Variants in VPS13C observed in about 807,000 individuals in gnomAD.
VPS13C encodes the protein vacuolar protein sorting 13 homolog C.
VPS13C carries 358 observed loss-of-function variants against 456.8 expected under a neutral mutation model. That is an observed-to-expected ratio of 0.78 (90% CI 0.72 to 0.86). VPS13C has a LOEUF of 0.86. Among genes scored for constraint, VPS13C ranks in the 40% least tolerant of loss-of-function variants. The probability of loss-of-function intolerance (pLI) is 0.00; values close to 1 mark genes in which losing one functional copy is unlikely to be tolerated. For synonymous variants in VPS13C, 1,578 were observed against 1,486.7 expected, an observed-to-expected ratio of 1.06 and a Z score of -1.41; for missense variants, 4,818 against 4,385.4, an observed-to-expected ratio of 1.10 and a Z score of -2.79.
At chr15:62,059,464 A>C (rs1285279607) in intron 1 of VPS13C, among the ~76,000 whole-genome samples, 4 of 152,246 alleles carry the variant, frequency 2.6e-5, no homozygotes, top group African/African-American at 9.6e-5. Flanking sequence ...CAAACGATTA[A>C]GCTCGTTGAA....
intron 5 of VPS13C, among the ~76,000 whole-genome samples, chr15:62,029,005 C>CTT (rs2047727484): frequency 6.6e-6 from 1 of 152,006 alleles, no homozygotes; most frequent in Non-Finnish European, 1.5e-5. Flanking sequence ...TCATGTCATT[C>CTT]TTTGGACTCT....
chr15:62,028,253 T>C, intron 6 of VPS13C, 105 bp downstream of exon 6: 1 of 1,239,012 alleles, frequency 8.1e-7, no homozygotes, highest in Non-Finnish European at 1.2e-6. Context: ...TGCATTTCCA[T>C]ATTTTCTAAA....
chr15:61,996,517 TA>T (rs1262084607), intron 16 of VPS13C, among the ~76,000 whole-genome samples: 1 of 152,108 alleles, frequency 6.6e-6, no homozygotes, highest in East Asian at 1.9e-4. Context: ...AAGGAAAAGA[TA>T]ATCAGCAGAT....
chr15:61,991,306 G>C (rs543933848), intron 17 of VPS13C, among the ~76,000 whole-genome samples: 3 of 152,214 alleles, frequency 2.0e-5, no homozygotes, highest in African/African-American at 7.2e-5. Flanking sequence ...CACCATTAAG[G>C]AAATTCAGTT....
intron 9 of VPS13C, among the ~76,000 whole-genome samples, chr15:62,015,794 G>A (rs796459493): frequency 6.6e-5 from 7 of 106,754 alleles, no homozygotes; most frequent in East Asian, 6.3e-4. Context: ...GGGGAGGGGG[G>A]AGGGGGGAGG....
chr15:62,021,307 G>C (rs2140568628), intron 8 of VPS13C, among the ~76,000 whole-genome samples: 1 of 151,872 alleles, frequency 6.6e-6, no homozygotes, highest in Middle Eastern at 3.4e-3. Flanking sequence ...TAAAAAAAAG[G>C]CTTTCATACT....
At chr15:61,909,660 T>C (rs1289801056) in intron 64 of VPS13C, among the ~76,000 whole-genome samples, 1 of 152,182 alleles carries the variant, frequency 6.6e-6, no homozygotes. Context: ...ATTTTAAAAA[T>C]CAAAGACATT....
rs865854451 is a variant in VPS13C, at chr15:62,008,646, C to A, written c.1118+9G>T. 2.2e-5 allele frequency: 35 copies of A among 1,578,834 alleles called. No individual in the cohort carries two copies. The Middle Eastern group carries it at 3.9e-3, about 175-fold the overall frequency. On this transcript the variant is annotated intron_variant, in intron 14 of 84. Transcript: ENST00000644861. ...TTCCTCACAAAACAAAAAACAAATT[C>A]TAACTTACCATCGTCGACCATTGGT...
chr15:62,006,768 TG>T (rs1173815805), intron 15 of VPS13C, among the ~76,000 whole-genome samples: 9 of 152,168 alleles, frequency 5.9e-5, no homozygotes, highest in African/African-American at 2.2e-4. Flanking sequence ...CAGCACCTGT[TG>T]TTTCCTGACT....
chr15:61,964,814 G>C lies in VPS13C; in HGVS notation c.3099C>G (p.Val1033=). ...TGGTTGTGAGGTAATTAATAGAAGCGACAAGAGCTTGTGTTTGCAGCAACA... is the reference window on the plus strand; with the variant it reads ...TGGTTGTGAGGTAATTAATAGAAGCCACAAGAGCTTGTGTTTGCAGCAACA... ...LNLLLQTQAL[V]ASINYLTTII... Residue 1033 remains valine, a synonymous_variant, in exon 31 of 85, where the codon GTC becomes GTG. Coordinates refer to ENST00000644861, the MANE Select transcript of VPS13C (RefSeq NM_020821.3). The C allele has an allele frequency of 1.2e-6, 2 of 1,611,750 alleles. No individual in the cohort carries two copies. The highest frequency in any genetic ancestry group is 1.7e-6 in the Non-Finnish European group (2 of 1,178,824).
chr15:61,933,617 TTAAAAA>T (rs2044132450), intron 49 of VPS13C, among the ~76,000 whole-genome samples: 2 of 152,014 alleles, frequency 1.3e-5, no homozygotes, highest in South Asian at 4.1e-4. Flanking sequence ...CATAATATAA[TTAAAAA>T]TATTTACTGA....
Position 61,929,646 on chromosome 15 carries a change from C to T in VPS13C, c.6141G>A (p.Lys2047=). Residue 2047 remains lysine (K), a synonymous_variant, in exon 51 of 85, where the codon AAG becomes AAA. Transcript: ENST00000644861. ...ATTCCACACTGGCACATACATACAGCTTGTCAAGAACAGCATCAATTTGAC... is the reference window on the plus strand; with the variant it reads ...ATTCCACACTGGCACATACATACAGTTTGTCAAGAACAGCATCAATTTGAC... ...NGSQIDAVLD[K]LYVCASVEFL... 3.1e-6 allele frequency: 5 copies of T among 1,614,094 alleles called. No homozygotes were observed. The highest frequency in any genetic ancestry group is 4.2e-6 in the Non-Finnish European group (5 of 1,179,994).
chr15:61,876,479 T>C (rs1463450898), intron 75 of VPS13C, among the ~76,000 whole-genome samples: 2 of 151,962 alleles, frequency 1.3e-5, no homozygotes, highest in Non-Finnish European at 2.9e-5. Flanking sequence ...AATGTCTGTA[T>C]ATGTAATAGG....
intron 22 of VPS13C, among the ~76,000 whole-genome samples, chr15:61,981,007 T>A (rs147147933): frequency 6.6e-6 from 1 of 152,280 alleles, no homozygotes; most frequent in African/African-American, 2.4e-5. Flanking sequence ...ATATGTACAA[T>A]TTCCTATTGT....
chr15:62,029,840 A>C lies in VPS13C; in HGVS notation c.386-1420T>G, dbSNP rs144936944. Among the ~76,000 whole-genome samples, 48 of 152,286 alleles carry C rather than the reference A, an allele frequency of 3.2e-4. No homozygotes were observed. In the East Asian group the frequency reaches 9.3e-3, roughly 29 times the overall value. On this transcript the variant is annotated intron_variant, in intron 5 of 84. Transcript: ENST00000644861. ...CCCAGACAAATCAAACGAGTGTAGAAGTAAAACACAAAGACATTCAGCCTT... is the reference window on the plus strand; with the variant it reads ...CCCAGACAAATCAAACGAGTGTAGACGTAAAACACAAAGACATTCAGCCTT...
At chr15:61,977,220 T>C in intron 23 of VPS13C, 21 bp from the exon 24 acceptor site, 2 of 1,368,250 alleles carry the variant, frequency 1.5e-6, no homozygotes, top group Non-Finnish European at 2.0e-6. Flanking sequence ...TAATTTAAGA[T>C]ATTATTTATT....
chr15:61,974,522 T>C (rs973351129), intron 24 of VPS13C, 105 bp from the exon 25 acceptor site: 19 of 1,220,674 alleles, frequency 1.6e-5, no homozygotes, highest in Non-Finnish European at 2.1e-5. Context: ...ACTTTTGACA[T>C]GTTTTAATCT....
intron 80 of VPS13C, 137 bp downstream of exon 80, chr15:61,869,363 T>C (rs1360205079): frequency 6.2e-6 from 6 of 971,392 alleles, no homozygotes; most frequent in Non-Finnish European, 8.7e-6. Context: ...GGAGGCACTC[T>C]ATGTTTTAAA....
chr15:61,888,059 A>G (rs1896394286), intron 67 of VPS13C, among the ~76,000 whole-genome samples: 1 of 152,246 alleles, frequency 6.6e-6, no homozygotes. Context: ...GGCTCAGGAA[A>G]GAAGACATAC....
Sources: gnomAD v4.1 joint callset for allele counts (sites outside exome capture counted in the v4.1 genomes callset) on GRCh38, gnomAD v4.1.1 for gene constraint, MANE v1.5 for transcripts, NCBI Gene and HGNC (gene_info 2026-07-23, HGNC 2026-07-21) for gene names.